DSCAML1: variants seen among roughly 807,000 people sequenced by gnomAD.
DSCAML1 encodes cell adhesion molecule DSCAML1.
In DSCAML1, 38 loss-of-function variants were observed where a neutral mutation model predicts 200.5. That is an observed-to-expected ratio of 0.19 (90% CI 0.15 to 0.25). DSCAML1 has a LOEUF of 0.25. DSCAML1 is among the 10% of genes least tolerant of loss of function. DSCAML1 has a pLI of 1.00. For missense variants in DSCAML1, 2,223 were observed against 2,858.8 expected, an observed-to-expected ratio of 0.78 and a Z score of 5.07; for synonymous variants, 1,215 against 1,165.0, an observed-to-expected ratio of 1.04 and a Z score of -0.87.
chr11:117,695,779 T>C (rs953407696), intron 3 of DSCAML1, among the ~76,000 whole-genome samples: 2 of 152,186 alleles, frequency 1.3e-5, no homozygotes, highest in African/African-American at 2.4e-5. Flanking sequence ...TGAGCCTCGA[T>C]TTAAATCCTG....
At chr11:117,619,657 G>T (rs895787047) in intron 3 of DSCAML1, among the ~76,000 whole-genome samples, 1 of 151,960 alleles carries the variant, frequency 6.6e-6, no homozygotes, top group African/African-American at 2.4e-5. Context: ...ACTTAAAGGG[G>T]TATAAATGAA....
At chr11:117,673,655 T>C (rs1057409281) in intron 3 of DSCAML1, among the ~76,000 whole-genome samples, 1 of 152,216 alleles carries the variant, frequency 6.6e-6, no homozygotes, top group Non-Finnish European at 1.5e-5. Flanking sequence ...TTGGACCTGC[T>C]GCCTGGAAGT....
At chr11:117,484,669 C>A (rs776221425) in intron 11 of DSCAML1, among the ~76,000 whole-genome samples, 3 of 152,138 alleles carry the variant, frequency 2.0e-5, no homozygotes, top group Non-Finnish European at 4.4e-5. Flanking sequence ...CTCGTATAAA[C>A]CTGGGTGGAA....
At chr11:117,655,751 G>A (rs2052720608) in intron 3 of DSCAML1, among the ~76,000 whole-genome samples, 2 of 152,170 alleles carry the variant, frequency 1.3e-5, no homozygotes, top group South Asian at 4.1e-4. Flanking sequence ...TTAATCTCAG[G>A]ATGGAGATGC....
At chr11:117,648,207 T>C (rs2137611626) in intron 3 of DSCAML1, among the ~76,000 whole-genome samples, 1 of 152,314 alleles carries the variant, frequency 6.6e-6, no homozygotes, top group East Asian at 1.9e-4. Flanking sequence ...AAAGCAGACC[T>C]GGTTTTTCTG....
At chr11:117,785,509 C>T (rs1391862474) in intron 1 of DSCAML1, among the ~76,000 whole-genome samples, 1 of 151,986 alleles carries the variant, frequency 6.6e-6, no homozygotes, top group Non-Finnish European at 1.5e-5. Flanking sequence ...GAGCTGAAAC[C>T]AGCTGGATTG....
At chr11:117,527,552 A>G (rs1464049738) in intron 4 of DSCAML1, among the ~76,000 whole-genome samples, 1 of 152,226 alleles carries the variant, frequency 6.6e-6, no homozygotes, top group Non-Finnish European at 1.5e-5. Context: ...GGAATTATAG[A>G]GCTGGCTTAG....
chr11:117,718,827 C>T (rs565219196), intron 3 of DSCAML1, among the ~76,000 whole-genome samples: 15 of 152,134 alleles, frequency 9.9e-5, no homozygotes, highest in Non-Finnish European at 1.6e-4. Context: ...TAGTGTTTAA[C>T]GAGCACATAA....
intron 1 of DSCAML1, among the ~76,000 whole-genome samples, chr11:117,791,275 A>C (rs1039950123): frequency 1.3e-5 from 2 of 152,250 alleles, no homozygotes; most frequent in African/African-American, 4.8e-5. Flanking sequence ...GAGCAGTCCC[A>C]AGGTCACAGG....
At chr11:117,573,858 C>T (rs2050887698) in intron 3 of DSCAML1, among the ~76,000 whole-genome samples, 1 of 152,196 alleles carries the variant, frequency 6.6e-6, no homozygotes, top group African/African-American at 2.4e-5. Context: ...TCCTTCAGGG[C>T]CCCTGGCACA....
In DSCAML1 at chr11:117,439,049, C is replaced by A. The variant is rs572279274; in HGVS notation, c.4145-66G>T. On this transcript the variant is annotated intron_variant, in intron 23 of 32. Transcript: ENST00000651296. ...CCCTGTGATGGGGTGTGGGGAGTCC[C>A]CCCGTGACGGGAAGGTGCTGGCTCT... 3 of 1,472,744 alleles carry A rather than the reference C, an allele frequency of 2.0e-6. No individual in the cohort carries two copies. In the South Asian group the frequency reaches 4.0e-5, roughly 19 times the overall value. The allele number at this position is 1,472,744 out of a possible 1,614,324, so 91.2% of individuals were successfully genotyped here. A position where few individuals can be genotyped will look rare whatever the true frequency, so the allele number is the denominator to read the frequency against.
chr11:117,428,749 G>A lies in DSCAML1; in HGVS notation c.5741C>T (p.Ala1914Val), dbSNP rs1189281945. Residue 1914 changes from alanine (A) to valine (V), a missense_variant, in exon 33 of 33, where the codon GCA becomes GTA. Transcript: ENST00000651296. ...CACGGGGCAGGGCTCACGTCCATCT[G>A]CCTTTCGAAAGAAGGCCTCTGACTT... ...YAKSEAFFRK[A>V]DGREPCPVVP... The A allele has an allele frequency of 6.2e-7, 1 of 1,612,412 alleles. No individual in the cohort carries two copies. The highest frequency in any genetic ancestry group is 8.5e-7 in the Non-Finnish European group (1 of 1,179,590).
chr11:117,754,975 T>A (rs571008492), intron 3 of DSCAML1, among the ~76,000 whole-genome samples: 1 of 152,250 alleles, frequency 6.6e-6, no homozygotes, highest in South Asian at 2.1e-4. Flanking sequence ...GGGAACTGGT[T>A]ACCCCGGCCA....
chr11:117,481,319 T>A, intron 12 of DSCAML1, 49 bp from the exon 13 acceptor site: 1 of 1,586,050 alleles, frequency 6.3e-7, no homozygotes, highest in Non-Finnish European at 8.6e-7. Flanking sequence ...AGGGAGAGTC[T>A]TTTAGAGCTG....
chr11:117,469,953 G>A lies in DSCAML1; in HGVS notation c.2981C>T (p.Thr994Ile). The A allele has an allele frequency of 6.2e-7, 1 of 1,607,774 alleles. No individual in the cohort carries two copies. The highest frequency in any genetic ancestry group is 1.3e-5 in the African/African-American group (1 of 74,982). The change falls in exon 16 of 33, where the codon ACC (threonine) becomes ATC (isoleucine). Residue 994 changes from threonine (T) to isoleucine (I), a missense_variant. Around this residue, in one of 7 missense-constraint regions of DSCAML1, gnomAD observed 438 missense variants for 629.7 expected, o/e 0.70. Transcript: ENST00000651296. The surrounding 1 kb of genome is among the most constrained non-coding windows in gnomAD (Gnocchi z 4.1). The stretch of plus-strand genomic sequence containing the variant: ...GCTCTGTGAGGTCACTGGCTGCAAG[G>A]TAACATCCATGGGGGGCCCATCGGG... ...AAPDGPPMDVTLQPVTSQSIQ... is the reference protein window; with the variant it reads ...AAPDGPPMDVILQPVTSQSIQ...
chr11:117,521,446 G>A (rs961081247), intron 5 of DSCAML1, 41 bp from the exon 6 acceptor site: 2 of 1,593,256 alleles, frequency 1.3e-6, no homozygotes, highest in Admixed American at 3.4e-5. Flanking sequence ...ATGGGAGGGA[G>A]GAAAGAACAG....
At chr11:117,707,779 G>A (rs757405885) in intron 3 of DSCAML1, among the ~76,000 whole-genome samples, 12 of 151,628 alleles carry the variant, frequency 7.9e-5, no homozygotes, top group South Asian at 2.1e-4. Flanking sequence ...GTGATCCACC[G>A]GCCTCAGCCT....
intron 3 of DSCAML1, among the ~76,000 whole-genome samples, chr11:117,756,370 G>A (rs1169403513): frequency 1.3e-5 from 2 of 152,198 alleles, no homozygotes; most frequent in East Asian, 3.9e-4. Context: ...AGAAGGCTGA[G>A]GAAACATTTG....
chr11:117,774,925 G>A (rs907127017), intron 3 of DSCAML1, among the ~76,000 whole-genome samples: 2 of 152,092 alleles, frequency 1.3e-5, no homozygotes, highest in African/African-American at 2.4e-5. Context: ...GATCCTGTAT[G>A]GAAGTTTCTG....
Sources: allele counts gnomAD v4.1 joint callset (sites outside exome capture counted in the v4.1 genomes callset), GRCh38; gene constraint gnomAD v4.1.1; regional missense constraint gnomAD v4.1.1; non-coding constraint Gnocchi (gnomAD v3.1); transcripts MANE v1.5; gene names NCBI Gene and HGNC (gene_info 2026-07-23, HGNC 2026-07-21).